Variants in KIF18A observed in about 807,000 individuals in gnomAD.
KIF18A encodes the protein kinesin-like protein KIF18A.
Under a neutral mutation model 103.3 loss-of-function variants are expected in KIF18A, and 67 were observed. The ratio of observed to expected loss-of-function variants is 0.65; its 90% CI spans 0.53 to 0.79. KIF18A has a LOEUF of 0.79. KIF18A is among the 30% of genes least tolerant of loss of function. KIF18A has a pLI of 0.00. For missense variants in KIF18A, 1,032 were observed against 1,062.5 expected, an observed-to-expected ratio of 0.97 and a Z score of 0.40; for synonymous variants, 367 against 355.5, an observed-to-expected ratio of 1.03 and a Z score of -0.36.
chr11:28,092,559 T>C (rs1312982993), intron 3 of KIF18A, among the ~76,000 whole-genome samples: 1 of 152,196 alleles, frequency 6.6e-6, no homozygotes, highest in African/African-American at 2.4e-5. Flanking sequence ...GTAACACACA[T>C]TTCTATGTAG....
intron 1 of KIF18A, among the ~76,000 whole-genome samples, chr11:28,100,594 A>AT (rs1001304970): frequency 8.7e-5 from 13 of 149,966 alleles, no homozygotes; most frequent in African/African-American, 2.7e-4. Context: ...TTTTGTTTGT[A>AT]TTTTTTTTTA....
At chr11:28,107,601 T>A in intron 1 of KIF18A, among the ~76,000 whole-genome samples, 1 of 152,118 alleles carries the variant, frequency 6.6e-6, no homozygotes, top group East Asian at 1.9e-4. Context: ...GACTAACAGT[T>A]AAAGCTCTTC....
chr11:28,068,989 A>AT (rs1158176019), intron 11 of KIF18A, among the ~76,000 whole-genome samples: 1 of 152,196 alleles, frequency 6.6e-6, no homozygotes, highest in Non-Finnish European at 1.5e-5. Flanking sequence ...CATTTAAACT[A>AT]TTTTTGCATA....
chr11:28,061,126 A>G (rs543256823), intron 12 of KIF18A, among the ~76,000 whole-genome samples: 5 of 152,318 alleles, frequency 3.3e-5, no homozygotes. Flanking sequence ...CTAGGCACCT[A>G]TAACACAGGA....
At chr11:28,064,080 A>C (rs1850887693) in intron 11 of KIF18A, among the ~76,000 whole-genome samples, 1 of 151,212 alleles carries the variant, frequency 6.6e-6, no homozygotes, top group Non-Finnish European at 1.5e-5. Context: ...TATATATTAA[A>C]GTTAGGATAT....
At position 28,088,691 on chromosome 11, in the gene KIF18A, T is replaced by C; in HGVS notation, c.730A>G (p.Ser244Gly). 6.2e-7 allele frequency: 1 copy of C among 1,613,988 alleles called. No individual in the cohort carries two copies. The highest frequency in any genetic ancestry group is 8.5e-7 in the Non-Finnish European group (1 of 1,179,890). The part of the protein sequence containing the change: ...IYLRQQDKTA[S>G]INQNVRIAKM... ...GCAATACGGACATTTTGATTGATAC[T>C]TGCTGTTTTGTCTTGTTGTCGCAAG... The change falls in exon 6 of 17, where the codon AGT becomes GGT. Residue 244 changes from serine to glycine, a missense_variant. Ser to Gly is a moderately conservative substitution (Grantham distance 56). Transcript: ENST00000263181.
At position 28,082,836 on chromosome 11, in the gene KIF18A, G is replaced by C; in HGVS notation, c.1262+20C>G. 1 of 1,388,810 alleles carries C rather than the reference G, an allele frequency of 7.2e-7. No individual in the cohort carries two copies. Among genetic ancestry groups the C allele is most frequent in the South Asian group, 1.3e-5 (1 of 79,086 alleles). The allele number at this position is 1,388,810 out of a possible 1,614,324, so 86.0% of individuals were successfully genotyped here. On this transcript the variant is annotated intron_variant, in intron 9 of 16. Transcript: ENST00000263181. ...TAAAACAATAAATTCCTCAAAATTA[G>C]ATCTTAATGTAATGTTTACCTTTCG... is the stretch of plus-strand genomic sequence containing the variant.
Position 28,036,313 on chromosome 11 carries a change from TCC to T in KIF18A, c.2298_2299del (p.Asp767LeufsTer7), listed in dbSNP as rs768437990. The T allele has an allele frequency of 6.2e-7, 1 of 1,610,472 alleles. No individual in the cohort carries two copies. The highest frequency in any genetic ancestry group is 8.5e-7 in the Non-Finnish European group (1 of 1,177,610). On this transcript the variant is annotated frameshift_variant, in exon 14 of 17. Transcript: ENST00000263181. LOFTEE classifies it high-confidence loss of function. ...GTCTTCACATATAGTAAATGTAGAG[TCC>T]AAGTCCTCCTGTCCACATTCTTTTC...
At position 28,036,603 on chromosome 11, in the gene KIF18A, T is replaced by A; in HGVS notation, c.2010A>T (p.Lys670Asn). The A allele has an allele frequency of 6.2e-7, 1 of 1,610,334 alleles. No individual in the cohort carries two copies. The highest frequency in any genetic ancestry group is 8.5e-7 in the Non-Finnish European group (1 of 1,177,732). Reference protein sequence around the residue: ...KIPTEKRTRRKLMPSPLKGQH... With the variant: ...KIPTEKRTRRNLMPSPLKGQH... ...GTCCTTTCAAGGGAGATGGCATTAG[T>A]TTTCTCCGAGTTCTTTTTTCTGTAG... The change falls in exon 14 of 17, where the codon AAA becomes AAT. Residue 670 changes from lysine (K) to asparagine (N), a missense_variant. Coordinates refer to ENST00000263181, the MANE Select transcript of KIF18A (RefSeq NM_031217.4).
intron 11 of KIF18A, among the ~76,000 whole-genome samples, chr11:28,064,611 A>G (rs931141176): frequency 5.3e-5 from 8 of 152,056 alleles, no homozygotes; most frequent in Non-Finnish European, 8.8e-5. Flanking sequence ...AGAAAAAACA[A>G]TCCCTCCTTT....
At chr11:28,040,497 A>G (rs1351465429) in intron 13 of KIF18A, among the ~76,000 whole-genome samples, 1 of 151,818 alleles carries the variant, frequency 6.6e-6, no homozygotes, top group Non-Finnish European at 1.5e-5. Flanking sequence ...ATTCCTTCAG[A>G]AAGGCCCCAT....
intron 3 of KIF18A, 86 bp downstream of exon 3, chr11:28,094,557 G>A (rs1025554522): frequency 3.0e-5 from 26 of 877,018 alleles, no homozygotes; most frequent in East Asian, 5.2e-5. Context: ...TATATTCACC[G>A]GAAAACTCTT....
intron 13 of KIF18A, among the ~76,000 whole-genome samples, chr11:28,049,461 A>G (rs938048015): frequency 2.6e-5 from 4 of 151,996 alleles, no homozygotes; most frequent in Non-Finnish European, 4.4e-5. Context: ...AAGACTGTAA[A>G]CGTTAAGAGA....
chr11:28,088,543 T>C lies in KIF18A; in HGVS notation c.878A>G (p.Asn293Ser), dbSNP rs1353379856. 1.6e-5 allele frequency: 26 copies of C among 1,613,696 alleles called. No individual in the cohort carries two copies. The highest frequency in any genetic ancestry group is 2.2e-5 in the East Asian group (1 of 44,874). ...RSLLALGNVI[N>S]ALADSKRKNQ... Reference sequence around the variant, plus strand: ...GCCTACCTTTGAATCTGCTAAGGCATTGATGACATTCCCAAGAGCTAAAAG... The same window carrying C: ...GCCTACCTTTGAATCTGCTAAGGCACTGATGACATTCCCAAGAGCTAAAAG... Residue 293 changes from asparagine to serine, a missense_variant, in exon 6 of 17, where the codon AAT (asparagine) becomes AGT (serine). Coordinates refer to ENST00000263181, the MANE Select transcript of KIF18A (RefSeq NM_031217.4).
At chr11:28,026,181 T>C (rs182769738) in intron 15 of KIF18A, among the ~76,000 whole-genome samples, 1 of 151,848 alleles carries the variant, frequency 6.6e-6, no homozygotes, top group African/African-American at 2.4e-5. Context: ...AAATCTAATA[T>C]ACTCAATTAT....
intron 15 of KIF18A, among the ~76,000 whole-genome samples, chr11:28,035,135 C>T (rs576280691): frequency 3.3e-5 from 5 of 151,504 alleles, no homozygotes; most frequent in African/African-American, 1.2e-4. Context: ...TAGTTTTTGA[C>T]AGAAAACTTT....
At chr11:28,092,569 G>A (rs969860592) in intron 3 of KIF18A, among the ~76,000 whole-genome samples, 5 of 152,052 alleles carry the variant, frequency 3.3e-5, no homozygotes, top group African/African-American at 1.2e-4. Context: ...TTTCTATGTA[G>A]TACTAGTGAC....
intron 15 of KIF18A, among the ~76,000 whole-genome samples, chr11:28,028,723 A>G (rs1351750513): frequency 1.3e-5 from 2 of 152,132 alleles, no homozygotes; most frequent in Non-Finnish European, 2.9e-5. Flanking sequence ...CCCTTCAAAA[A>G]ATCAATGAAT....
intron 9 of KIF18A, among the ~76,000 whole-genome samples, chr11:28,079,492 A>T (rs539149979): frequency 6.6e-6 from 1 of 152,092 alleles, no homozygotes; most frequent in Non-Finnish European, 1.5e-5. Flanking sequence ...TTATAGCTGA[A>T]TCAGGTCTGA....
Sources: allele counts gnomAD v4.1 joint callset (sites outside exome capture counted in the v4.1 genomes callset), GRCh38; gene constraint gnomAD v4.1.1; transcripts MANE v1.5; gene names NCBI Gene and HGNC (gene_info 2026-07-23, HGNC 2026-07-21).